The following KIF14 variants were observed in gnomAD, a reference collection of about 807,000 sequenced individuals.
The protein encoded by KIF14 is kinesin family member 14.
A neutral mutation model predicts 176.2 loss-of-function variants in KIF14; 98 were observed. The observed-to-expected ratio is 0.56, with a 90% CI of 0.47 to 0.66. The LOEUF (loss-of-function observed/expected upper bound fraction) is 0.66. KIF14 is among the 30% of genes least tolerant of loss of function. KIF14 has a pLI of 0.00. For synonymous variants in KIF14, 566 were observed against 632.2 expected (o/e 0.90, Z 1.57); for missense variants, 1,751 against 1,920.4 (o/e 0.91, Z 1.65).
At chr1:200,600,784 G>A (rs560549352) in intron 11 of KIF14, among the ~76,000 whole-genome samples, 1 of 152,066 alleles carries the variant, frequency 6.6e-6, no homozygotes, top group African/African-American at 2.4e-5. Context: ...GAGGCAAAAG[G>A]GTAATTGTTA....
At chr1:200,579,444 T>A (rs974301586) in intron 21 of KIF14, among the ~76,000 whole-genome samples, 28 of 152,010 alleles carry the variant, frequency 1.8e-4, no homozygotes, top group African/African-American at 5.1e-4. Flanking sequence ...TCGTCTTTTT[T>A]AAAAAAATAC....
chr1:200,590,360 T>C (rs1252240635), intron 16 of KIF14, 88 bp from the exon 17 acceptor site: 12 of 1,171,592 alleles, frequency 1.0e-5, no homozygotes, highest in East Asian at 9.9e-5. Flanking sequence ...AAGTTTTCCA[T>C]TGAATGAAAG....
intron 8 of KIF14, among the ~76,000 whole-genome samples, chr1:200,604,658 A>T (rs1343758495): frequency 6.6e-6 from 1 of 152,130 alleles, no homozygotes; most frequent in East Asian, 1.9e-4. Context: ...TAGTTAATGG[A>T]ATATTATATA....
At chr1:200,609,097 T>G (rs904602790) in intron 4 of KIF14, among the ~76,000 whole-genome samples, 169 bp from the exon 5 acceptor site, 7 of 152,136 alleles carry the variant, frequency 4.6e-5, no homozygotes, top group Non-Finnish European at 8.8e-5. Flanking sequence ...TGAATAGACA[T>G]TTCTCCAAAG....
chr1:200,614,875 T>G (rs1660335212), intron 3 of KIF14, among the ~76,000 whole-genome samples: 1 of 151,554 alleles, frequency 6.6e-6, no homozygotes. Flanking sequence ...GGACAGGTAT[T>G]ATTATCATAG....
Position 200,560,828 on chromosome 1 carries a change from A to T in KIF14, c.4124T>A (p.Ile1375Asn). The change falls in exon 26 of 30, where the codon ATC (isoleucine) becomes AAC (asparagine). Residue 1375 changes from isoleucine (I) to asparagine (N), a missense_variant. Physicochemically the swap from Ile to Asn is moderately radical, Grantham distance 149 (BLOSUM62 -3). Coordinates refer to ENST00000367350, the MANE Select transcript of KIF14 (RefSeq NM_014875.3). ...SMIKEAQKNA[I>N]QIVQQAVKYV... ...CTTTACAGCTTGTTGTACAATTTGG[A>T]TTGCATTCTTTTGAGCCTCTTTTAT... 6.2e-7 allele frequency: 1 copy of T among 1,614,056 alleles called. No individual in the cohort carries two copies.
Position 200,591,933 on chromosome 1 carries a change from G to T in KIF14, c.2813+147C>A, listed in dbSNP as rs115957402. 5 of 597,570 alleles carry T rather than the reference G, an allele frequency of 8.4e-6. No homozygotes were observed. In the East Asian group the frequency reaches 1.4e-4, roughly 17 times the overall value. 37.0% of individuals were successfully genotyped at this position (597,570 alleles called of 1,614,324 possible). A position where few individuals can be genotyped will look rare whatever the true frequency, so the allele number is the denominator to read the frequency against. Reference sequence around the variant, plus strand: ...ATAATAGATGGTCAATATATATTTGGTGAACTAATGAATGTACTAAGAGAA... The same window carrying T: ...ATAATAGATGGTCAATATATATTTGTTGAACTAATGAATGTACTAAGAGAA... On this transcript the variant is annotated intron_variant, in intron 16 of 29. Transcript: ENST00000367350.
chr1:200,599,346 T>C (rs924906703), intron 13 of KIF14, among the ~76,000 whole-genome samples: 1 of 152,246 alleles, frequency 6.6e-6, no homozygotes, highest in African/African-American at 2.4e-5. Context: ...GTACCCTTTC[T>C]AAAGACAACT....
intron 4 of KIF14, 58 bp downstream of exon 4, chr1:200,614,257 TGAA>T (rs1660295582): frequency 2.2e-6 from 2 of 897,948 alleles, no homozygotes; most frequent in South Asian, 2.9e-5. Flanking sequence ...ATGACTGATT[TGAA>T]CTTGATTTGA....
intron 25 of KIF14, among the ~76,000 whole-genome samples, chr1:200,564,558 C>G (rs1440801619): frequency 6.6e-6 from 1 of 152,142 alleles, no homozygotes; most frequent in Non-Finnish European, 1.5e-5. Flanking sequence ...AAATTATTTC[C>G]TTGTCTCTAT....
In KIF14 at chr1:200,612,000, C is replaced by T. The variant is rs1021580882; in HGVS notation, c.1455+2318G>A. ...ATAATGTATCTCCAAAGTCCATGCTCTTTTTTTTTTTCTTTTTTTTGAGAC... is the reference window on the plus strand; with the variant it reads ...ATAATGTATCTCCAAAGTCCATGCTTTTTTTTTTTTTCTTTTTTTTGAGAC... On this transcript the variant is annotated intron_variant, in intron 4 of 29. Transcript: ENST00000367350. Among the ~76,000 whole-genome samples the T allele has an allele frequency of 3.4e-5, 5 of 148,614 alleles. No individual in the cohort carries two copies. The East Asian group carries it at 9.9e-4, about 29-fold the overall frequency.
chr1:200,563,414 G>A (rs1657269143), intron 25 of KIF14, among the ~76,000 whole-genome samples: 1 of 151,926 alleles, frequency 6.6e-6, no homozygotes, highest in South Asian at 2.1e-4. Context: ...ATCCAGGCTG[G>A]AATGCAGTGG....
chr1:200,607,127 C>T (rs1196090760), intron 5 of KIF14, among the ~76,000 whole-genome samples: 1 of 145,424 alleles, frequency 6.9e-6, no homozygotes, highest in Admixed American at 7.1e-5. Context: ...AGATGTCTTA[C>T]TAGTTTTTTG....
At chr1:200,602,589 T>C (rs2102733382) in intron 10 of KIF14, among the ~76,000 whole-genome samples, 1 of 152,290 alleles carries the variant, frequency 6.6e-6, no homozygotes, top group East Asian at 1.9e-4. Context: ...CCCTTATAGG[T>C]TTCAAGGTGG....
chr1:200,575,797 AG>A, intron 21 of KIF14, 106 bp from the exon 22 acceptor site: 1 of 531,950 alleles, frequency 1.9e-6, no homozygotes. Flanking sequence ...CCATAAAATT[AG>A]CAGATTATAT....
Position 200,602,017 on chromosome 1 carries a change from C to A in KIF14, c.2031G>T (p.Thr677=). 6.2e-7 allele frequency: 1 copy of A among 1,613,776 alleles called. No homozygotes were observed. The highest frequency in any genetic ancestry group is 8.5e-7 in the Non-Finnish European group (1 of 1,179,866). The change falls in exon 11 of 30, where the codon ACG becomes ACT. Residue 677 remains threonine (T), a synonymous_variant. Coordinates refer to ENST00000367350, the MANE Select transcript of KIF14 (RefSeq NM_014875.3). ...CTATGTTGCTGGCAGCGGGACTAAT[C>A]GTAGCAATCATTGCAGTTTTTGAAT... ...GGNSKTAMIA[T]ISPAASNIEE... is the part of the protein sequence containing the mutation.
At position 200,556,452 on chromosome 1, in the gene KIF14, T is replaced by A. The variant is rs146973621; in HGVS notation, c.4354-998A>T. Reference sequence around the variant, plus strand: ...ATTCTTCTATAGGTTCTTAAAGGAGTTTTAACTTACAAGAATAGATAAACT... The same window carrying A: ...ATTCTTCTATAGGTTCTTAAAGGAGATTTAACTTACAAGAATAGATAAACT... On this transcript the variant is annotated intron_variant, in intron 27 of 29. Transcript: ENST00000367350. Among the ~76,000 whole-genome samples the A allele has an allele frequency of 2.2e-3, 342 of 152,262 alleles. 2 individuals are homozygous for A. Among genetic ancestry groups the A allele is most frequent in the African/African-American group, 7.9e-3 (327 of 41,564 alleles).
intron 25 of KIF14, among the ~76,000 whole-genome samples, chr1:200,561,104 G>A (rs966653459): frequency 3.9e-4 from 59 of 151,796 alleles, no homozygotes; most frequent in Admixed American, 2.0e-3. Context: ...AGTGGCACAC[G>A]CCTATATCCT....
chr1:200,577,129 G>A (rs1658160435), intron 21 of KIF14, among the ~76,000 whole-genome samples: 1 of 142,054 alleles, frequency 7.0e-6, no homozygotes, highest in African/African-American at 2.7e-5. Flanking sequence ...GGCCAACATG[G>A]TAAAATCCCG....
Sources: gnomAD v4.1 joint callset for allele counts (sites outside exome capture counted in the v4.1 genomes callset) on GRCh38, gnomAD v4.1.1 for gene constraint, MANE v1.5 for transcripts, NCBI Gene and HGNC (gene_info 2026-07-23, HGNC 2026-07-21) for gene names.